Variants in POGK observed in about 807,000 individuals in gnomAD.
The protein encoded by POGK is pogo transposable element derived with KRAB domain.
POGK carries 16 observed loss-of-function variants against 54.4 expected under a neutral mutation model. That is an observed-to-expected ratio of 0.29 (90% CI 0.20 to 0.45). POGK has a LOEUF of 0.45. Ranked by LOEUF, POGK falls within the 20% of genes least tolerant of loss-of-function variation. The pLI, the probability that POGK is intolerant of heterozygous loss-of-function variation, is 1.00. For missense variants in POGK, 515 were observed against 795.6 expected, an observed-to-expected ratio of 0.65 and a Z score of 4.24; for synonymous variants, 271 against 302.2, an observed-to-expected ratio of 0.90 and a Z score of 1.07.
At chr1:166,847,346 CT>C in intron 3 of POGK, 147 bp from the exon 4 acceptor site, 1 of 603,636 alleles carries the variant, frequency 1.7e-6, no homozygotes, top group Non-Finnish European at 2.9e-6. Flanking sequence ...TTTCCATTAT[CT>C]TTTTTCTTTA....
At chr1:166,850,938 T>C (rs1260661162) in intron 5 of POGK, 1 of 152,398 alleles carries the variant, frequency 6.6e-6, no homozygotes, top group Non-Finnish European at 1.5e-5. Context: ...CATTTATTAT[T>C]TGATTTATTT....
At chr1:166,840,756 T>C (rs1657467203) in intron 1 of POGK, among the ~76,000 whole-genome samples, 199 bp from the exon 2 acceptor site, 1 of 152,220 alleles carries the variant, frequency 6.6e-6, no homozygotes, top group African/African-American at 2.4e-5. Context: ...CCAGATACGT[T>C]ATCTACCCAC....
Position 166,841,053 on chromosome 1 carries a change from A to G in POGK, c.97A>G (p.Met33Val). ...SRELEDGPAD[M>V]QKVRICSEGG... ...GGAACTAGAGGACGGCCCGGCAGAC[A>G]TGCAGAAAGTACGAATCTGCTCTGA... The change falls in exon 2 of 6, where the codon ATG becomes GTG. Residue 33 changes from methionine (M) to valine (V), a missense_variant. Transcript: ENST00000367876. The G allele has an allele frequency of 6.2e-7, 1 of 1,614,084 alleles. No individual in the cohort carries two copies. The highest frequency in any genetic ancestry group is 8.5e-7 in the Non-Finnish European group (1 of 1,180,000).
chr1:166,851,186 C>T (rs1465414353), intron 5 of POGK: 4 of 152,210 alleles, frequency 2.6e-5, no homozygotes, highest in Non-Finnish European at 5.9e-5. Flanking sequence ...CATGCTGGGA[C>T]AGTTGTACTC....
intron 4 of POGK, 152 bp downstream of exon 4, chr1:166,847,744 A>T: frequency 1.7e-6 from 1 of 582,360 alleles, no homozygotes; most frequent in Non-Finnish European, 3.0e-6. Flanking sequence ...AATGTGTGAC[A>T]GTGTGTGACA....
chr1:166,847,132 C>T (rs932982467), intron 3 of POGK, among the ~76,000 whole-genome samples: 3 of 152,178 alleles, frequency 2.0e-5, no homozygotes, highest in Admixed American at 1.3e-4. Flanking sequence ...TCCCCAACTT[C>T]CACCCCAAAT....
chr1:166,849,412 A>C lies in POGK; in HGVS notation c.833A>C (p.Asp278Ala), dbSNP rs1216906900. 1.9e-6 allele frequency: 3 copies of C among 1,614,068 alleles called. No individual in the cohort carries two copies. In the Admixed American group the frequency reaches 5.0e-5, roughly 27 times the overall value. The change falls in exon 5 of 6, where the codon GAC becomes GCC. Residue 278 changes from aspartate to alanine, a missense_variant. By Grantham distance (126) the Asp-to-Ala change is moderately radical. Around this residue, in one of 2 missense-constraint regions of POGK, gnomAD observed 461 missense variants for 743.5 expected, o/e 0.62. Coordinates refer to ENST00000367876, the MANE Select transcript of POGK (RefSeq NM_017542.5). ...EYVRYMQAKG[D>A]PITREAMQLK... ...GTCAGATACATGCAGGCCAAAGGGG[A>C]CCCCATCACCCGGGAGGCGATGCAG...
rs1272100950 is a variant in POGK, at chr1:166,854,356, A to G, written c.*1786A>G. The stretch of plus-strand genomic sequence containing the variant: ...TCTATGCCTAACAGAGCCCCAGTAC[A>G]ACTATTTTGCAGAATGGCTGTTACC... On this transcript the variant is annotated 3_prime_UTR_variant, in exon 6 of 6. Coordinates refer to ENST00000367876, the MANE Select transcript of POGK (RefSeq NM_017542.5). The G allele has an allele frequency of 1.3e-5, 2 of 152,648 alleles. No homozygotes were observed. The highest frequency in any genetic ancestry group is 2.9e-5 in the Non-Finnish European group (2 of 68,042). The allele number at this position is 152,648 out of a possible 1,614,324, so 9.5% of individuals were successfully genotyped here. A position where few individuals can be genotyped will look rare whatever the true frequency, so the allele number is the denominator to read the frequency against.
chr1:166,851,109 G>C (rs1049273461), intron 5 of POGK: 3 of 152,154 alleles, frequency 2.0e-5, no homozygotes, highest in Admixed American at 6.5e-5. Flanking sequence ...AATTTTGTCT[G>C]AAAAGCCAAC....
chr1:166,841,596 C>T (rs749938891), intron 2 of POGK, among the ~76,000 whole-genome samples: 4 of 152,258 alleles, frequency 2.6e-5, no homozygotes, highest in Non-Finnish European at 4.4e-5. Context: ...AGGGTATACA[C>T]GCAGAATAGT....
Position 166,850,079 on chromosome 1 carries a change from C to G in POGK, c.1500C>G (p.Thr500=), listed in dbSNP as rs760201903. Residue 500 remains threonine, a synonymous_variant, in exon 5 of 6, where the codon ACC becomes ACG. Coordinates refer to ENST00000367876, the MANE Select transcript of POGK (RefSeq NM_017542.5). ...TDMVIIPGGL[T]SQLQVLDVVV... is the part of the protein sequence containing the mutation. ...TGGTGATCATCCCAGGGGGTCTGAC[C>G]TCACAGCTTCAGGTGCTGGATGTCG... 6.2e-7 allele frequency: 1 copy of G among 1,613,656 alleles called. No individual in the cohort carries two copies. Among genetic ancestry groups the G allele is most frequent in the Non-Finnish European group, 8.5e-7 (1 of 1,179,804 alleles).
chr1:166,848,349 A>C (rs1204376004), intron 4 of POGK, among the ~76,000 whole-genome samples: 5 of 152,214 alleles, frequency 3.3e-5, no homozygotes, highest in Non-Finnish European at 7.3e-5. Context: ...AATTTCCCCA[A>C]ATCATATTCA....
chr1:166,839,968 G>A (rs1407820333), intron 1 of POGK: 3 of 152,322 alleles, frequency 2.0e-5, no homozygotes, highest in African/African-American at 4.8e-5. Context: ...ACCTTAGCGC[G>A]GGGAGGCGGC....
Position 166,854,595 on chromosome 1 carries a change from G to A in POGK, c.*2025G>A, listed in dbSNP as rs1658211574. On this transcript the variant is annotated 3_prime_UTR_variant, in exon 6 of 6. Transcript: ENST00000367876. Reference sequence around the variant, plus strand: ...ATATTACATCTTTCAGTCAAAAAGTGTTCATGAGATGCAGTGTAAGTAATA... The same window carrying A: ...ATATTACATCTTTCAGTCAAAAAGTATTCATGAGATGCAGTGTAAGTAATA... 2 of 152,204 alleles carry A rather than the reference G, an allele frequency of 1.3e-5. No homozygotes were observed. Among genetic ancestry groups the A allele is most frequent in the African/African-American group, 4.8e-5 (2 of 41,438 alleles). The allele number at this position is 152,204 out of a possible 1,614,324, so 9.4% of individuals were successfully genotyped here. A position where few individuals can be genotyped will look rare whatever the true frequency, so the allele number is the denominator to read the frequency against.
Position 166,841,033 on chromosome 1 carries a change from T to C in POGK, c.77T>C (p.Leu26Pro). 6.2e-7 allele frequency: 1 copy of C among 1,613,960 alleles called. No homozygotes were observed. Among genetic ancestry groups the C allele is most frequent in the Non-Finnish European group, 8.5e-7 (1 of 1,179,994 alleles). ...EEEEEIQSRELEDGPADMQKV... is the reference protein window; with the variant it reads ...EEEEEIQSREPEDGPADMQKV... ...GAAGAAGAGATTCAGAGCCGGGAAC[T>C]AGAGGACGGCCCGGCAGACATGCAG... is the stretch of plus-strand genomic sequence containing the variant. The change falls in exon 2 of 6, where the codon CTA (leucine) becomes CCA (proline). Residue 26 changes from leucine to proline, a missense_variant. Around this residue, in one of 2 missense-constraint regions of POGK, gnomAD observed 54 missense variants for 52.0 expected, o/e 1.04. Transcript: ENST00000367876.
At chr1:166,840,864 G>C in intron 1 of POGK, 91 bp from the exon 2 acceptor site, 1 of 1,518,586 alleles carries the variant, frequency 6.6e-7, no homozygotes, top group Non-Finnish European at 9.0e-7. Context: ...TGGGGCTAAA[G>C]AGGTTTGTAT....
At chr1:166,843,848 G>T (rs945700794) in intron 2 of POGK, among the ~76,000 whole-genome samples, 1 of 152,262 alleles carries the variant, frequency 6.6e-6, no homozygotes. Context: ...GATCTTCTGA[G>T]GAAAGGGAGG....
intron 1 of POGK, chr1:166,840,143 TC>T (rs1657428550): frequency 6.6e-6 from 1 of 152,202 alleles, no homozygotes; most frequent in East Asian, 1.9e-4. Context: ...CTTTGGAGGT[TC>T]CCCGATGCAG....
chr1:166,842,029 C>T (rs115701465), intron 2 of POGK, among the ~76,000 whole-genome samples: 1,564 of 152,070 alleles, frequency 0.01, 28 homozygotes, highest in African/African-American at 0.036. Context: ...AGTGCAACCA[C>T]AGGCTCTCAG....
Sources: gnomAD v4.1 joint callset for allele counts (sites outside exome capture counted in the v4.1 genomes callset) on GRCh38, gnomAD v4.1.1 for gene constraint, gnomAD v4.1.1 regional missense constraint, MANE v1.5 for transcripts, NCBI Gene and HGNC (gene_info 2026-07-23, HGNC 2026-07-21) for gene names.